Variants in TMEM182 observed in about 807,000 individuals in gnomAD.
TMEM182 encodes the protein transmembrane protein 182.
Under a neutral mutation model 26.8 loss-of-function variants are expected in TMEM182, and 20 were observed. That is an observed-to-expected ratio of 0.75 (90% CI 0.53 to 1.09). TMEM182 has a LOEUF of 1.09. Ranked by LOEUF, TMEM182 falls within the 50% of genes least tolerant of loss-of-function variation. The pLI, the probability that TMEM182 is intolerant of heterozygous loss-of-function variation, is 0.00. For missense variants in TMEM182, 277 were observed against 275.5 expected (o/e 1.01, Z -0.04); for synonymous variants, 109 against 102.2 (o/e 1.07, Z -0.40).
chr2:102,796,614 C>G (rs1681880115), intron 3 of TMEM182, among the ~76,000 whole-genome samples: 1 of 152,240 alleles, frequency 6.6e-6, no homozygotes, highest in African/African-American at 2.4e-5. Context: ...CTGCCCTGTT[C>G]CCTGCTGAGC....
intron 3 of TMEM182, among the ~76,000 whole-genome samples, chr2:102,791,205 G>A (rs919645418): frequency 5.3e-5 from 8 of 151,982 alleles, no homozygotes; most frequent in Admixed American, 5.2e-4. Flanking sequence ...CAAAGTGCTG[G>A]GATTACAGGC....
chr2:102,799,687 G>A (rs540505710), intron 4 of TMEM182, among the ~76,000 whole-genome samples: 2 of 152,236 alleles, frequency 1.3e-5, no homozygotes, highest in Non-Finnish European at 2.9e-5. Flanking sequence ...TTCCTTCTGG[G>A]TGTGGGGCGG....
At chr2:102,791,761 A>G (rs985129392) in intron 3 of TMEM182, among the ~76,000 whole-genome samples, 7 of 152,162 alleles carry the variant, frequency 4.6e-5, no homozygotes, top group Non-Finnish European at 1.0e-4. Flanking sequence ...GTTCAATATT[A>G]TTTAAGTTAA....
intron 3 of TMEM182, among the ~76,000 whole-genome samples, chr2:102,770,125 G>A (rs575810891): frequency 1.3e-5 from 2 of 152,218 alleles, no homozygotes; most frequent in East Asian, 3.9e-4. Flanking sequence ...GGGGAAGAAG[G>A]GAAGAAGAAA....
At chr2:102,740,274 T>C (rs1013775319) in intron 1 of TMEM182, among the ~76,000 whole-genome samples, 1 of 152,134 alleles carries the variant, frequency 6.6e-6, no homozygotes, top group African/African-American at 2.4e-5. Flanking sequence ...TTAATCCCCA[T>C]GTGTTGTGGG....
intron 3 of TMEM182, among the ~76,000 whole-genome samples, chr2:102,842,804 C>A (rs1683380104): frequency 6.6e-6 from 1 of 152,080 alleles, no homozygotes; most frequent in Admixed American, 6.5e-5. Context: ...ACAGTGTGCA[C>A]CTTGCTCATC....
At chr2:102,831,441 A>G (rs1380639049) in intron 3 of TMEM182, among the ~76,000 whole-genome samples, 1 of 152,234 alleles carries the variant, frequency 6.6e-6, no homozygotes, top group Non-Finnish European at 1.5e-5. Context: ...CCGATGTGTT[A>G]ACATGCAGTC....
chr2:102,782,295 C>T (rs2104698641), intron 3 of TMEM182, among the ~76,000 whole-genome samples: 1 of 121,366 alleles, frequency 8.2e-6, no homozygotes, highest in Middle Eastern at 3.9e-3. Context: ...CATTGCACTC[C>T]AGCCTGGGTG....
At chr2:102,751,961 C>G (rs1371828990) in intron 1 of TMEM182, among the ~76,000 whole-genome samples, 1 of 152,160 alleles carries the variant, frequency 6.6e-6, no homozygotes, top group East Asian at 1.9e-4. Context: ...AGCCACTGTG[C>G]CCAGCCTCTT....
chr2:102,737,584 A>G (rs1228982039), intron 1 of TMEM182, among the ~76,000 whole-genome samples: 1 of 152,162 alleles, frequency 6.6e-6, no homozygotes, highest in Non-Finnish European at 1.5e-5. Flanking sequence ...AGCTGAGAAG[A>G]GTGGAAAGAA....
chr2:102,776,349 G>A (rs1680915379), intron 3 of TMEM182, among the ~76,000 whole-genome samples: 3 of 151,990 alleles, frequency 2.0e-5, no homozygotes, highest in African/African-American at 4.8e-5. Flanking sequence ...CCAAACCATC[G>A]CAACCACTGA....
At chr2:102,827,027 C>G (rs1384347522) in intron 3 of TMEM182, among the ~76,000 whole-genome samples, 1 of 152,188 alleles carries the variant, frequency 6.6e-6, no homozygotes, top group Non-Finnish European at 1.5e-5. Context: ...GCTTTACTTG[C>G]CCTTGTCTTA....
intron 4 of TMEM182, among the ~76,000 whole-genome samples, chr2:102,801,624 A>G (rs568977461): frequency 6.6e-6 from 1 of 152,264 alleles, no homozygotes; most frequent in African/African-American, 2.4e-5. Flanking sequence ...CATGACCTTC[A>G]TTGTGCCGCT....
chr2:102,793,376 G>A (rs897577837), intron 3 of TMEM182, among the ~76,000 whole-genome samples: 3 of 152,138 alleles, frequency 2.0e-5, no homozygotes, highest in African/African-American at 4.8e-5. Context: ...TGAGAACTTC[G>A]TAGAACTTTC....
At chr2:102,825,633 T>C (rs1291810030) in intron 3 of TMEM182, among the ~76,000 whole-genome samples, 1 of 152,202 alleles carries the variant, frequency 6.6e-6, no homozygotes, top group Non-Finnish European at 1.5e-5. Context: ...CCCAACATTA[T>C]TGTGAGTTAA....
chr2:102,767,382 C>T (rs1680496905), intron 3 of TMEM182, among the ~76,000 whole-genome samples: 1 of 152,150 alleles, frequency 6.6e-6, no homozygotes, highest in South Asian at 2.1e-4. Context: ...GTGCATTAAA[C>T]AATTCTATTA....
At chr2:102,830,444 C>G (rs1683129826) in intron 3 of TMEM182, among the ~76,000 whole-genome samples, 1 of 152,110 alleles carries the variant, frequency 6.6e-6, no homozygotes. Flanking sequence ...TGTGGGCTAA[C>G]ATGGGAAGTA....
chr2:102,743,827 C>G (rs962395786), intron 1 of TMEM182, among the ~76,000 whole-genome samples: 1 of 152,062 alleles, frequency 6.6e-6, no homozygotes, highest in African/African-American at 2.4e-5. Context: ...TAAGTTCAGA[C>G]AAGACGTATT....
At chr2:102,792,235 A>G (rs1357546465) in intron 3 of TMEM182, among the ~76,000 whole-genome samples, 2 of 152,076 alleles carry the variant, frequency 1.3e-5, no homozygotes, top group Non-Finnish European at 2.9e-5. Flanking sequence ...CACATTGTTG[A>G]CAAGACCATT....
Sources: gnomAD v4.1 joint callset for allele counts (sites outside exome capture counted in the v4.1 genomes callset) on GRCh38, gnomAD v4.1.1 for gene constraint, MANE v1.5 for transcripts, NCBI Gene and HGNC (gene_info 2026-07-23, HGNC 2026-07-21) for gene names.